The following ADGRL3 variants were observed in gnomAD, a reference collection of about 807,000 sequenced individuals.
ADGRL3 encodes calcium-independent alpha-latrotoxin receptor 3.
ADGRL3 carries 62 observed loss-of-function variants against 153.5 expected under a neutral mutation model. The observed-to-expected ratio is 0.40, with a 90% CI of 0.33 to 0.50. ADGRL3 has a LOEUF of 0.50. ADGRL3 is among the 20% of genes least tolerant of loss of function. The pLI is 0.47. For missense variants in ADGRL3, 1,641 were observed against 1,859.4 expected (o/e 0.88, Z 2.16); for synonymous variants, 710 against 672.5 (o/e 1.06, Z -0.86).
At chr4:62,063,650 C>G in intron 25 of ADGRL3, 1 of 658,620 alleles carries the variant, frequency 1.5e-6, no homozygotes, top group East Asian at 2.8e-5. Context: ...TGGAGTTTAT[C>G]TTAATTTTTT....
At position 61,673,999 on chromosome 4, in the gene ADGRL3, G is replaced by A. The variant is rs527673978; in HGVS notation, c.474-2827G>A. On this transcript the variant is annotated intron_variant, in intron 5 of 26. Transcript: ENST00000683033. ...TAGAAGGCTTTCTTGACTCATCTTC[G>A]GTTAATATTAAATAATCTATTTGGA... is the stretch of plus-strand genomic sequence containing the variant. Among the ~76,000 whole-genome samples, 18 of 150,924 alleles carry A rather than the reference G, an allele frequency of 1.2e-4. No individual in the cohort carries two copies. In the South Asian group the frequency reaches 3.1e-3, roughly 26 times the overall value.
chr4:61,333,443 C>A (rs2095612993), intron 1 of ADGRL3, among the ~76,000 whole-genome samples: 1 of 152,112 alleles, frequency 6.6e-6, no homozygotes, highest in Non-Finnish European at 1.5e-5. Flanking sequence ...TAAAAGCCAC[C>A]TTAATTGAAG....
intron 4 of ADGRL3, among the ~76,000 whole-genome samples, chr4:61,583,086 C>T (rs2149306471): frequency 6.6e-6 from 1 of 152,156 alleles, no homozygotes; most frequent in Middle Eastern, 3.4e-3. Context: ...AATTAATTGG[C>T]TACTTGCCTC....
intron 5 of ADGRL3, among the ~76,000 whole-genome samples, chr4:61,667,884 A>G (rs11931258): frequency 0.59 from 89,566 of 151,972 alleles, 27,822 homozygotes; most frequent in Non-Finnish European, 0.72. Flanking sequence ...CACTTTAGCC[A>G]TGCTCCTTGG....
chr4:61,947,086 G>A lies in ADGRL3; in HGVS notation c.2592G>A (p.Leu864=). The A allele has an allele frequency of 6.2e-7, 1 of 1,613,730 alleles. No homozygotes were observed. The highest frequency in any genetic ancestry group is 1.1e-5 in the South Asian group (1 of 91,074). Residue 864 remains leucine (L), a synonymous_variant, in exon 16 of 27, where the codon TTG becomes TTA. Coordinates refer to ENST00000683033, the MANE Select transcript of ADGRL3 (RefSeq NM_001387552.1). ...AAGAGTTCAGTAACAAGGTTTATTT[G>A]GCTGATCCTGTGGTATTTACTGTTA... The part of the protein sequence containing the change: ...INKEFSNKVY[L]ADPVVFTVKH...
chr4:61,612,764 A>T (rs2149706342), intron 5 of ADGRL3, among the ~76,000 whole-genome samples: 1 of 152,264 alleles, frequency 6.6e-6, no homozygotes, highest in South Asian at 2.1e-4. Flanking sequence ...TATTACTCTG[A>T]ACACCCTTAA....
chr4:61,824,023 C>T (rs751834084), intron 9 of ADGRL3, among the ~76,000 whole-genome samples: 4 of 151,920 alleles, frequency 2.6e-5, no homozygotes, highest in Admixed American at 6.6e-5. Context: ...GATCGTACCA[C>T]TGCACTCCAG....
chr4:61,746,572 T>G, intron 8 of ADGRL3, among the ~76,000 whole-genome samples: 1 of 152,088 alleles, frequency 6.6e-6, no homozygotes, highest in Non-Finnish European at 1.5e-5. Context: ...ACCACTCAAC[T>G]ACATGGAAAC....
intron 2 of ADGRL3, among the ~76,000 whole-genome samples, chr4:61,412,215 G>T (rs932661069): frequency 6.6e-6 from 1 of 152,046 alleles, no homozygotes; most frequent in East Asian, 1.9e-4. Flanking sequence ...CGAGGGAGCT[G>T]GGACTACAGG....
chr4:61,705,186 A>G (rs571774679), intron 6 of ADGRL3, among the ~76,000 whole-genome samples: 1 of 152,186 alleles, frequency 6.6e-6, no homozygotes, highest in Non-Finnish European at 1.5e-5. Context: ...TATGGCAGCT[A>G]TAGACTTATG....
At chr4:61,665,188 A>C (rs2094745554) in intron 5 of ADGRL3, among the ~76,000 whole-genome samples, 1 of 152,166 alleles carries the variant, frequency 6.6e-6, no homozygotes, top group Non-Finnish European at 1.5e-5. Flanking sequence ...AGTCAGGTGG[A>C]TAACCAGAGG....
chr4:61,276,024 G>A (rs1560414924), intron 1 of ADGRL3, among the ~76,000 whole-genome samples: 1 of 152,154 alleles, frequency 6.6e-6, no homozygotes, highest in South Asian at 2.1e-4. Context: ...TAAGGGTGCA[G>A]GCCCAAAACA....
At chr4:61,578,996 T>A (rs2098909768) in intron 4 of ADGRL3, among the ~76,000 whole-genome samples, 1 of 152,090 alleles carries the variant, frequency 6.6e-6, no homozygotes, top group South Asian at 2.1e-4. Flanking sequence ...TCTGGTCTTG[T>A]TAATCATGAG....
chr4:61,552,839 C>T (rs1164098457), intron 4 of ADGRL3, among the ~76,000 whole-genome samples: 3 of 152,038 alleles, frequency 2.0e-5, no homozygotes, highest in African/African-American at 7.2e-5. Flanking sequence ...AAATTGCTTC[C>T]CTGTCTAGCT....
intron 13 of ADGRL3, among the ~76,000 whole-genome samples, chr4:61,924,897 A>G (rs940591498): frequency 2.8e-4 from 42 of 152,076 alleles, no homozygotes; most frequent in Admixed American, 2.8e-3. Context: ...TTACCTTCTA[A>G]CACTATATGG....
intron 5 of ADGRL3, among the ~76,000 whole-genome samples, chr4:61,662,511 G>T (rs1282492825): frequency 6.6e-6 from 1 of 152,206 alleles, no homozygotes; most frequent in Non-Finnish European, 1.5e-5. Flanking sequence ...TCCAGACTTT[G>T]GGTGCCAATG....
chr4:62,013,085 T>C (rs2099194080), intron 21 of ADGRL3, among the ~76,000 whole-genome samples: 1 of 152,162 alleles, frequency 6.6e-6, no homozygotes, highest in African/African-American at 2.4e-5. Flanking sequence ...TCAGATTGTT[T>C]CCATTTTTTC....
intron 1 of ADGRL3, among the ~76,000 whole-genome samples, chr4:61,337,614 C>T (rs2095706639): frequency 1.3e-5 from 2 of 152,092 alleles, no homozygotes; most frequent in South Asian, 2.1e-4. Flanking sequence ...ATAATGTGTT[C>T]ACTCTGTTTG....
intron 1 of ADGRL3, among the ~76,000 whole-genome samples, chr4:61,363,863 A>C (rs1352272720): frequency 6.6e-6 from 1 of 152,134 alleles, no homozygotes; most frequent in Non-Finnish European, 1.5e-5. Context: ...CATGCAGCTA[A>C]TGTAAGAGGT....
Sources: gnomAD v4.1 joint callset for allele counts (sites outside exome capture counted in the v4.1 genomes callset) on GRCh38, gnomAD v4.1.1 for gene constraint, MANE v1.5 for transcripts, NCBI Gene and HGNC (gene_info 2026-07-23, HGNC 2026-07-21) for gene names.